ATP2B4: variants seen among roughly 807,000 people sequenced by gnomAD.
The protein encoded by ATP2B4 is ATPase plasma membrane Ca2+ transporting 4.
ATP2B4 carries 39 observed loss-of-function variants against 110.3 expected under a neutral mutation model. That is an observed-to-expected ratio of 0.35 (90% confidence interval 0.27 to 0.46). ATP2B4 has a LOEUF of 0.46. Among genes scored for constraint, ATP2B4 ranks in the 20% least tolerant of loss-of-function variants. The pLI, the probability that ATP2B4 is intolerant of heterozygous loss-of-function variation, is 1.00. For missense variants in ATP2B4, 1,135 were observed against 1,530.9 expected (o/e 0.74, Z 4.32); for synonymous variants, 538 against 571.7 (o/e 0.94, Z 0.84).
chr1:203,685,224 G>A (rs759066456), intron 2 of ATP2B4, among the ~76,000 whole-genome samples: 2 of 152,228 alleles, frequency 1.3e-5, no homozygotes, highest in African/African-American at 4.8e-5. Context: ...GCCCAGCCCA[G>A]TTGCCCAGTG....
At chr1:203,660,795 C>CA (rs934504768) in intron 1 of ATP2B4, among the ~76,000 whole-genome samples, 2 of 146,236 alleles carry the variant, frequency 1.4e-5, no homozygotes, top group African/African-American at 5.1e-5. Context: ...GACTCTGTCT[C>CA]AAAAAAATAA....
chr1:203,701,328 G>A (rs1200274913), intron 6 of ATP2B4, among the ~76,000 whole-genome samples: 2 of 152,208 alleles, frequency 1.3e-5, no homozygotes, highest in African/African-American at 2.4e-5. Flanking sequence ...AAATTGGCCA[G>A]AAGAGTAAAA....
At chr1:203,708,214 A>G (rs1665906461) in intron 10 of ATP2B4, 110 bp downstream of exon 10, 1 of 1,458,596 alleles carries the variant, frequency 6.9e-7, no homozygotes, top group African/African-American at 1.4e-5. Context: ...GCCATCCCAC[A>G]TCCCATTTCT....
At chr1:203,721,551 G>T (rs936078497) in intron 17 of ATP2B4, 141 bp downstream of exon 17, 2 of 777,154 alleles carry the variant, frequency 2.6e-6, no homozygotes, top group Admixed American at 5.0e-5. Context: ...CCCGCTACAC[G>T]GTGCATTATG....
At chr1:203,661,164 T>C (rs1286746396) in intron 1 of ATP2B4, among the ~76,000 whole-genome samples, 1 of 151,744 alleles carries the variant, frequency 6.6e-6, no homozygotes, top group African/African-American at 2.4e-5. Context: ...GGATTTGGGC[T>C]GTCTGTCCAC....
At chr1:203,682,160 A>G (rs1460215742) in intron 1 of ATP2B4, among the ~76,000 whole-genome samples, 1 of 152,118 alleles carries the variant, frequency 6.6e-6, no homozygotes, top group Non-Finnish European at 1.5e-5. Context: ...TCATTTCCAT[A>G]CACCTGGAGG....
chr1:203,674,249 A>T (rs1247467273), intron 1 of ATP2B4, among the ~76,000 whole-genome samples: 1 of 152,146 alleles, frequency 6.6e-6, no homozygotes, highest in Non-Finnish European at 1.5e-5. Context: ...CTTCCACCTG[A>T]AGGTGGCTCT....
chr1:203,721,165 A>G, intron 16 of ATP2B4, 32 bp from the exon 17 acceptor site: 1 of 1,608,786 alleles, frequency 6.2e-7, no homozygotes, highest in African/African-American at 1.3e-5. Flanking sequence ...TTTCAGAGAA[A>G]AGCTAAAAGG....
intron 7 of ATP2B4, 149 bp downstream of exon 7, chr1:203,702,228 AT>A: frequency 9.7e-7 from 1 of 1,025,902 alleles, no homozygotes; most frequent in South Asian, 1.6e-5. Flanking sequence ...AGGTGCAGAG[AT>A]TTTTGGGGTG....
At chr1:203,685,099 C>G (rs1487709411) in intron 2 of ATP2B4, among the ~76,000 whole-genome samples, 3 of 152,184 alleles carry the variant, frequency 2.0e-5, no homozygotes, top group Admixed American at 6.5e-5. Context: ...GATCCGCTCA[C>G]CTCAACCTCC....
chr1:203,634,100 A>G (rs927587311), intron 1 of ATP2B4, among the ~76,000 whole-genome samples: 2 of 152,188 alleles, frequency 1.3e-5, no homozygotes, highest in Non-Finnish European at 2.9e-5. Flanking sequence ...CTAGTTTCAT[A>G]TATGTATGGG....
intron 1 of ATP2B4, chr1:203,656,973 C>A: frequency 1.4e-6 from 1 of 712,676 alleles, no homozygotes; most frequent in South Asian, 1.5e-5. Context: ...GCTGTCAAAC[C>A]AGTAAGACTG....
chr1:203,686,572 C>T (rs1410947431), intron 2 of ATP2B4, among the ~76,000 whole-genome samples: 1 of 151,708 alleles, frequency 6.6e-6, no homozygotes, highest in East Asian at 1.9e-4. Context: ...CTCGTTACAG[C>T]CCCTGGCCAT....
At chr1:203,692,582 T>C (rs1665414768) in intron 2 of ATP2B4, among the ~76,000 whole-genome samples, 1 of 152,204 alleles carries the variant, frequency 6.6e-6, no homozygotes, top group South Asian at 2.1e-4. Flanking sequence ...TTCTCCCTGG[T>C]ACTATATGAG....
chr1:203,722,403 T>TA, intron 17 of ATP2B4, 75 bp from the exon 18 acceptor site: 1 of 1,166,006 alleles, frequency 8.6e-7, no homozygotes, highest in Non-Finnish European at 1.3e-6. Context: ...AAGCAAGCAG[T>TA]ATATCTGTAC....
Position 203,739,737 on chromosome 1 carries a change from C to T in ATP2B4, c.3501C>T (p.Leu1167=), listed in dbSNP as rs570030575. Residue 1167 remains leucine (L), a synonymous_variant, in exon 21 of 21, where the codon CTC becomes CTT. Transcript: ENST00000357681. ...DKASKFGTRV[L]LLDGEVTPYA... ...CTTCTAAGTTTGGGACTAGGGTGCT[C>T]CTGTTGGATGGTGAGGTCACTCCAT... 2 of 1,614,130 alleles carry T rather than the reference C, an allele frequency of 1.2e-6. No homozygotes were observed. Among genetic ancestry groups the T allele is most frequent in the African/African-American group, 1.3e-5 (1 of 75,038 alleles).
At chr1:203,672,452 G>A (rs779432182) in intron 1 of ATP2B4, among the ~76,000 whole-genome samples, 4 of 149,982 alleles carry the variant, frequency 2.7e-5, no homozygotes, top group Admixed American at 1.3e-4. Flanking sequence ...TAGCTTTACC[G>A]TCGCTGGGCT....
chr1:203,678,423 T>TTTG (rs1664894576), intron 1 of ATP2B4, among the ~76,000 whole-genome samples: 1 of 113,262 alleles, frequency 8.8e-6, no homozygotes, highest in Non-Finnish European at 1.7e-5. Context: ...GAAGTCAGGG[T>TTTG]CCCACTTGGT....
At chr1:203,699,013 G>A (rs375880989) in intron 3 of ATP2B4, among the ~76,000 whole-genome samples, 2 of 152,242 alleles carry the variant, frequency 1.3e-5, no homozygotes, top group East Asian at 1.9e-4. Context: ...GGGGTCAAGC[G>A]ATCTGCCTGC....
Sources: gnomAD v4.1 joint callset for allele counts (sites outside exome capture counted in the v4.1 genomes callset) on GRCh38, gnomAD v4.1.1 for gene constraint, MANE v1.5 for transcripts, NCBI Gene and HGNC (gene_info 2026-07-23, HGNC 2026-07-21) for gene names.